TOMM22: variants seen among roughly 807,000 people sequenced by gnomAD.
TOMM22 encodes mitochondrial import receptor subunit TOM22 homolog.
In TOMM22, 3 loss-of-function variants were observed where a neutral mutation model predicts 17.1. The ratio of observed to expected loss-of-function variants is 0.18; its 90% CI spans 0.08 to 0.45. The LOEUF (loss-of-function observed/expected upper bound fraction) is 0.45, where lower values mean the gene tolerates loss of function less well. TOMM22 is among the 20% of genes least tolerant of loss of function. TOMM22 has a pLI of 0.99. For synonymous variants in TOMM22, 91 were observed against 74.0 expected (o/e 1.23, Z -1.18); for missense variants, 159 against 179.5 (o/e 0.89, Z 0.65).
At chr22:38,683,151 G>A (rs1388100037) in intron 3 of TOMM22, among the ~76,000 whole-genome samples, 155 bp downstream of exon 3, 1 of 118,532 alleles carries the variant, frequency 8.4e-6, no homozygotes, top group Admixed American at 8.1e-5. Flanking sequence ...TCGGGGGGGG[G>A]GTTCTGGATG....
chr22:38,683,689 C>T (rs754109756), intron 3 of TOMM22, 78 bp from the exon 4 acceptor site: 75 of 1,063,766 alleles, frequency 7.1e-5, no homozygotes, highest in African/African-American at 5.1e-4. Flanking sequence ...TTTTTGTAGA[C>T]GTTGGCCCCA....
At position 38,683,912 on chromosome 22, in the gene TOMM22, TG is replaced by T; in HGVS notation, c.*73del. 1 of 1,411,280 alleles carries T rather than the reference TG, an allele frequency of 7.1e-7. No homozygotes were observed. The highest frequency in any genetic ancestry group is 9.9e-7 in the Non-Finnish European group (1 of 1,014,428). The allele number at this position is 1,411,280 out of a possible 1,614,324, so 87.4% of individuals were successfully genotyped here. A position where few individuals can be genotyped will look rare whatever the true frequency, so the allele number is the denominator to read the frequency against. ...TCAAGTGTTTGAACTGCTGATAATT[TG>T]GATTTTTTTTTTTTTTTAACTTTGG... On this transcript the variant is annotated 3_prime_UTR_variant, in exon 4 of 4. Coordinates refer to ENST00000216034, the MANE Select transcript of TOMM22 (RefSeq NM_020243.5).
rs1018730207 is a variant in TOMM22 at position 38,684,723 on chromosome 22, A to C, written c.*882A>C. 1.3e-5 allele frequency: 2 copies of C among 152,170 alleles called. No homozygotes were observed. Among genetic ancestry groups the C allele is most frequent in the African/African-American group, 4.8e-5 (2 of 41,426 alleles). 9.4% of individuals were successfully genotyped at this position (152,170 alleles called of 1,614,324 possible). ...TTGGGTCTATGTACTTCTTTAGTCT[A>C]TAATGACACTGTGTAATTATAAAGT... On this transcript the variant is annotated 3_prime_UTR_variant, in exon 4 of 4. Coordinates refer to ENST00000216034, the MANE Select transcript of TOMM22 (RefSeq NM_020243.5).
intron 2 of TOMM22, 89 bp from the exon 3 acceptor site, chr22:38,682,790 T>G (rs1472793428): frequency 2.8e-6 from 3 of 1,072,412 alleles, no homozygotes; most frequent in African/African-American, 3.1e-5. Flanking sequence ...CATTGGAGTA[T>G]GTAATGTGAG....
chr22:38,683,150 G>GGGGGGGGGGGGGGGGGCC (rs60970723), intron 3 of TOMM22, among the ~76,000 whole-genome samples, 154 bp downstream of exon 3: 1 of 136,924 alleles, frequency 7.3e-6, no homozygotes. Context: ...GTCGGGGGGG[G>GGGGGGGGGGGGGGGGGCC]GGTTCTGGAT....
rs1052939730 is a variant in TOMM22, at chr22:38,684,489, T to C, written c.*648T>C. On this transcript the variant is annotated 3_prime_UTR_variant, in exon 4 of 4. Transcript: ENST00000216034. ...TATTAAAAATGATTCCAACTGAAAG[T>C]GTCATCCTAAGTACCTTGAAATGAG... 9.8e-5 allele frequency: 15 copies of C among 152,366 alleles called. No homozygotes were observed. Among genetic ancestry groups the C allele is most frequent in the African/African-American group, 3.4e-4 (14 of 41,566 alleles). The allele number at this position is 152,366 out of a possible 1,614,324, so 9.4% of individuals were successfully genotyped here.
intron 3 of TOMM22, among the ~76,000 whole-genome samples, chr22:38,683,207 A>G (rs2092485340): frequency 2.6e-5 from 4 of 151,258 alleles, no homozygotes; most frequent in Non-Finnish European, 4.4e-5. Flanking sequence ...CTATTATTAC[A>G]TTGTAATATA....
Position 38,682,062 on chromosome 22 carries a change from TGAGGAGGAGCTG to T in TOMM22, c.93_104del (p.Glu31_Glu34del). The T allele has an allele frequency of 6.3e-7, 1 of 1,597,494 alleles. No homozygotes were observed. Among genetic ancestry groups the T allele is most frequent in the Non-Finnish European group, 8.5e-7 (1 of 1,172,344 alleles). On this transcript the variant is annotated inframe_deletion, in exon 1 of 4. Transcript: ENST00000216034. ...TCCCGAAAGGCGACGCGGAGAAGCC[TGAGGAGGAGCTG>T]GAGGAGGACGACGATGAGGAGGTAC...
In TOMM22 at chr22:38,682,387, C is replaced by T. The variant is rs753600949; in HGVS notation, c.182C>T (p.Ser61Phe). ...LTEMFPERVR[S>F]AAGATFDLSL... ...GAGATGTTTCCGGAGAGGGTCCGGT[C>T]CGCGGCCGGAGCCACTTTTGATCTT... Residue 61 changes from serine (S) to phenylalanine (F), a missense_variant, in exon 2 of 4, where the codon TCC becomes TTC. Ser to Phe is a radical substitution (Grantham distance 155). This residue lies in a region of TOMM22 where 107 missense variants were observed against 100.2 expected (regional missense o/e 1.07). Transcript: ENST00000216034. 1.9e-6 allele frequency: 3 copies of T among 1,614,176 alleles called. No homozygotes were observed. The highest frequency in any genetic ancestry group is 2.2e-5 in the South Asian group (2 of 91,072).
chr22:38,682,228 C>T, intron 1 of TOMM22, 95 bp from the exon 2 acceptor site: 1 of 1,516,102 alleles, frequency 6.6e-7, no homozygotes, highest in Non-Finnish European at 9.1e-7. Flanking sequence ...CCTGGGTGCC[C>T]TAGCTCCAGT....
At chr22:38,683,697 C>T (rs2092486969) in intron 3 of TOMM22, 70 bp from the exon 4 acceptor site, 1 of 1,218,244 alleles carries the variant, frequency 8.2e-7, no homozygotes, top group South Asian at 1.3e-5. Context: ...GACGTTGGCC[C>T]CATCAGGTAT....
Position 38,682,945 on chromosome 22 carries a change from T to G in TOMM22, c.303T>G (p.Phe101Leu). Residue 101 changes from phenylalanine to leucine, a missense_variant, in exon 3 of 4, where the codon TTT (phenylalanine) becomes TTG (leucine). Coordinates refer to ENST00000216034, the MANE Select transcript of TOMM22 (RefSeq NM_020243.5). Reference protein sequence around the residue: ...SFMILVLPVVFETEKLQMEQQ... With the variant: ...SFMILVLPVVLETEKLQMEQQ... ...TGATCCTGGTTCTTCCCGTTGTCTT[T>G]GAGACGGAGAAGTTGCAAATGGAGC... is the stretch of plus-strand genomic sequence containing the variant. The G allele has an allele frequency of 6.2e-7, 1 of 1,613,886 alleles. No individual in the cohort carries two copies. Among genetic ancestry groups the G allele is most frequent in the East Asian group, 2.2e-5 (1 of 44,886 alleles).
chr22:38,683,301 G>A (rs1473222744), intron 3 of TOMM22, among the ~76,000 whole-genome samples: 3 of 152,156 alleles, frequency 2.0e-5, no homozygotes, highest in Admixed American at 2.0e-4. Flanking sequence ...TGGGGGTGAT[G>A]GGAGACAGTG....
chr22:38,682,232 C>A, intron 1 of TOMM22, 91 bp from the exon 2 acceptor site: 2 of 1,519,898 alleles, frequency 1.3e-6, no homozygotes, highest in Non-Finnish European at 1.8e-6. Flanking sequence ...GGTGCCCTAG[C>A]TCCAGTGGGG....
In TOMM22 at chr22:38,682,008, A is replaced by G. The variant is rs1242880678; in HGVS notation, c.30A>G (p.Ala10=). The change falls in exon 1 of 4, where the codon GCA becomes GCG. Residue 10 remains alanine, a synonymous_variant. Transcript: ENST00000216034. The part of the protein sequence containing the change: MAAAVAAAG[A]GEPQSPDELL... ...CTGCCGCCGTCGCTGCTGCCGGTGCAGGGGAACCCCAGTCCCCGGACGAAT... is the reference window on the plus strand; with the variant it reads ...CTGCCGCCGTCGCTGCTGCCGGTGCGGGGGAACCCCAGTCCCCGGACGAAT... 2 of 1,611,868 alleles carry G rather than the reference A, an allele frequency of 1.2e-6. No individual in the cohort carries two copies. The highest frequency in any genetic ancestry group is 1.7e-5 in the Admixed American group (1 of 59,872).
In TOMM22 at chr22:38,683,951, T is replaced by C. The variant is rs1405921785; in HGVS notation, c.*110T>C. 1 of 913,270 alleles carries C rather than the reference T, an allele frequency of 1.1e-6. No homozygotes were observed. The highest frequency in any genetic ancestry group is 1.7e-5 in the African/African-American group (1 of 59,660). 56.6% of individuals were successfully genotyped at this position (913,270 alleles called of 1,614,324 possible). A position where few individuals can be genotyped will look rare whatever the true frequency, so the allele number is the denominator to read the frequency against. On this transcript the variant is annotated 3_prime_UTR_variant, in exon 4 of 4. Coordinates refer to ENST00000216034, the MANE Select transcript of TOMM22 (RefSeq NM_020243.5). ...TTTTTAACTTTGGCACATTGATCTA[T>C]CTAAACCTGGTGGGGAGAATTATCC...
intron 3 of TOMM22, 88 bp downstream of exon 3, chr22:38,683,084 G>C: frequency 1.1e-6 from 1 of 906,222 alleles, no homozygotes; most frequent in Non-Finnish European, 1.6e-6. Flanking sequence ...TGGCACCAGG[G>C]ACTGGTTTCA....
In TOMM22 at chr22:38,682,204, G is replaced by A. The variant is rs991916903; in HGVS notation, c.117+109G>A. On this transcript the variant is annotated intron_variant, in intron 1 of 3. Coordinates refer to ENST00000216034, the MANE Select transcript of TOMM22 (RefSeq NM_020243.5). ...CGGCTGCTTTGGGAGGCGGGGTTAG[G>A]GGCCCTGCTGGGCCCTGGGTGCCCT... The A allele has an allele frequency of 1.0e-5, 15 of 1,458,104 alleles. No individual in the cohort carries two copies. The Admixed American group carries it at 2.9e-4, about 28-fold the overall frequency. The allele number at this position is 1,458,104 out of a possible 1,614,324, so 90.3% of individuals were successfully genotyped here. A position where few individuals can be genotyped will look rare whatever the true frequency, so the allele number is the denominator to read the frequency against.
At chr22:38,683,141 T>TGGGGGGG in intron 3 of TOMM22, 145 bp downstream of exon 3, 1 of 21,858 alleles carries the variant, frequency 4.6e-5, no homozygotes, top group Non-Finnish European at 8.1e-5. Flanking sequence ...TGGCCGGGGG[T>TGGGGGGG]CGGGGGGGGG....
Sources: allele counts gnomAD v4.1 joint callset (sites outside exome capture counted in the v4.1 genomes callset), GRCh38; gene constraint gnomAD v4.1.1; regional missense constraint gnomAD v4.1.1; transcripts MANE v1.5; gene names NCBI Gene and HGNC (gene_info 2026-07-23, HGNC 2026-07-21).